Variants in GLI3 observed in about 807,000 individuals in gnomAD.
GLI3 encodes the protein transcription activator GLI3.
In GLI3, 20 loss-of-function variants were observed where a neutral mutation model predicts 100.8. The observed-to-expected ratio is 0.20, with a 90% CI of 0.14 to 0.29. The LOEUF is 0.29. Among genes scored for constraint, GLI3 ranks in the 10% least tolerant of loss-of-function variants. GLI3 has a pLI of 1.00. For missense variants in GLI3, 2,040 were observed against 2,128.5 expected (o/e 0.96, Z 0.82); for synonymous variants, 938 against 860.5 (o/e 1.09, Z -1.58).
chr7:42,082,420 C>T (rs971962279), intron 3 of GLI3, among the ~76,000 whole-genome samples: 1 of 152,076 alleles, frequency 6.6e-6, no homozygotes, highest in Non-Finnish European at 1.5e-5. Flanking sequence ...TGAGCTGATC[C>T]GCCCTCTGAG....
At chr7:42,172,583 A>G (rs1277949805) in intron 2 of GLI3, 1 of 702,900 alleles carries the variant, frequency 1.4e-6, no homozygotes. Flanking sequence ...TAGCCCATCC[A>G]AGAGGATCTG....
chr7:42,194,607 GTC>G (rs999520930), intron 2 of GLI3, among the ~76,000 whole-genome samples: 5 of 152,110 alleles, frequency 3.3e-5, no homozygotes, highest in Non-Finnish European at 7.4e-5. Flanking sequence ...ACTCCCGTCT[GTC>G]TTAGCGAACG....
At chr7:42,219,536 G>A (rs1383406758) in intron 2 of GLI3, among the ~76,000 whole-genome samples, 6 of 151,866 alleles carry the variant, frequency 4.0e-5, no homozygotes, top group Admixed American at 3.9e-4. Flanking sequence ...TTTCTGAACT[G>A]TACCTTTTGG....
Position 41,966,646 on chromosome 7 carries a change from A to T in GLI3, c.2432-5T>A. On this transcript the variant is annotated splice_region_variant and splice_polypyrimidine_tract_variant and intron_variant, in intron 14 of 14. Transcript: ENST00000395925. This position sits in a 1 kb window ranked among gnomAD's most constrained non-coding sequence, Gnocchi z 5.8. ...AGGTGTTGTTGGACTGTGTGCCTGG[A>T]GACAGAGAAAGGGAGAGACCATGCG... is the stretch of plus-strand genomic sequence containing the variant. The T allele has an allele frequency of 6.2e-7, 1 of 1,613,972 alleles. No homozygotes were observed. The highest frequency in any genetic ancestry group is 8.5e-7 in the Non-Finnish European group (1 of 1,179,958).
intron 4 of GLI3, among the ~76,000 whole-genome samples, chr7:42,051,582 C>A (rs1490468100): frequency 6.6e-6 from 1 of 152,100 alleles, no homozygotes; most frequent in African/African-American, 2.4e-5. Context: ...CAGATATATG[C>A]ACACATATAA....
At chr7:42,072,263 A>C (rs1036638114) in intron 4 of GLI3, among the ~76,000 whole-genome samples, 1 of 152,232 alleles carries the variant, frequency 6.6e-6, no homozygotes, top group Non-Finnish European at 1.5e-5. Flanking sequence ...TGAAACAGAA[A>C]GACAGTTCGA....
chr7:42,084,432 T>A (rs1173858791), intron 3 of GLI3, among the ~76,000 whole-genome samples: 1 of 152,222 alleles, frequency 6.6e-6, no homozygotes. Context: ...GTTTCTCCCT[T>A]CAAGATCACA....
intron 10 of GLI3, among the ~76,000 whole-genome samples, chr7:41,993,392 GC>G (rs1182778254): frequency 1.3e-5 from 2 of 152,028 alleles, no homozygotes; most frequent in African/African-American, 4.8e-5. Flanking sequence ...GAGACTCATC[GC>G]CCCGCTCGAT....
intron 3 of GLI3, among the ~76,000 whole-genome samples, chr7:42,131,473 T>A (rs1786274698): frequency 6.6e-6 from 1 of 152,212 alleles, no homozygotes; most frequent in Admixed American, 6.5e-5. Context: ...TTTAAGAATT[T>A]AGAAACTGGA....
rs748644965 is a variant in GLI3, at chr7:41,966,157, T to C, written c.2916A>G (p.Pro972=). The part of the protein sequence containing the change: ...DALEPGVALP[P]VHAPRRCSDG... ...CGCTGCACCTCCTCGGGGCATGAAC[T>C]GGAGGCAGGGCCACGCCAGGCTCGA... Residue 972 remains proline, a synonymous_variant, in exon 15 of 15, where the codon CCA becomes CCG. Transcript: ENST00000395925. The surrounding 1 kb of genome is among the most constrained non-coding windows in gnomAD (Gnocchi z 5.8). 1.3e-6 allele frequency: 2 copies of C among 1,599,188 alleles called. No homozygotes were observed. The highest frequency in any genetic ancestry group is 1.3e-5 in the African/African-American group (1 of 74,838).
At chr7:42,083,857 C>A (rs1369819791) in intron 3 of GLI3, among the ~76,000 whole-genome samples, 1 of 152,080 alleles carries the variant, frequency 6.6e-6, no homozygotes, top group Non-Finnish European at 1.5e-5. Flanking sequence ...AACAAGTAGA[C>A]AAATTTCAAG....
intron 2 of GLI3, among the ~76,000 whole-genome samples, chr7:42,170,710 T>G (rs1164345121): frequency 6.6e-6 from 1 of 152,142 alleles, no homozygotes; most frequent in Non-Finnish European, 1.5e-5. Flanking sequence ...CCTTGCTGAC[T>G]TTTTAAGAAA....
At chr7:42,199,479 A>G (rs77823039) in intron 2 of GLI3, among the ~76,000 whole-genome samples, 4,230 of 152,326 alleles carry the variant, frequency 0.028, 88 homozygotes, top group South Asian at 0.056. Context: ...CTCACCAAGC[A>G]GGTTACAGTC....
chr7:42,179,861 G>A (rs1301601284), intron 2 of GLI3, among the ~76,000 whole-genome samples: 21 of 152,162 alleles, frequency 1.4e-4, no homozygotes, highest in Non-Finnish European at 5.9e-5. Flanking sequence ...AGTGGGTGGA[G>A]AGTAGCTCAT....
chr7:42,135,436 C>T (rs1489009401), intron 3 of GLI3, among the ~76,000 whole-genome samples: 3 of 152,178 alleles, frequency 2.0e-5, no homozygotes, highest in African/African-American at 7.2e-5. Flanking sequence ...CCAGATATAT[C>T]TCAGGTCAAA....
chr7:42,228,300 G>A (rs748214244), intron 1 of GLI3, among the ~76,000 whole-genome samples: 1 of 152,042 alleles, frequency 6.6e-6, no homozygotes, highest in Admixed American at 6.6e-5. Context: ...TCCCAGGCCC[G>A]GCTTTGATCC....
At chr7:42,242,793 A>G (rs1788938851), upstream of GLI3, among the ~76,000 whole-genome samples, 1 of 152,174 alleles carries the variant, frequency 6.6e-6, no homozygotes, top group Non-Finnish European at 1.5e-5. Context: ...GAAGCTTGTG[A>G]ATTTATTTTT....
intron 2 of GLI3, among the ~76,000 whole-genome samples, chr7:42,151,050 GA>G (rs1786847635): frequency 6.6e-6 from 1 of 152,116 alleles, no homozygotes; most frequent in Non-Finnish European, 1.5e-5. Flanking sequence ...TTTTAATATG[GA>G]AAAAATTAAA....
chr7:42,177,204 G>A (rs891471979), intron 2 of GLI3, among the ~76,000 whole-genome samples: 6 of 152,148 alleles, frequency 3.9e-5, no homozygotes, highest in Admixed American at 1.3e-4. Flanking sequence ...CAGAGGTGGA[G>A]AGGAGTGTCA....
Sources: gnomAD v4.1 joint callset for allele counts (sites outside exome capture counted in the v4.1 genomes callset) on GRCh38, gnomAD v4.1.1 for gene constraint, Gnocchi (gnomAD v3.1) non-coding constraint, MANE v1.5 for transcripts, NCBI Gene and HGNC (gene_info 2026-07-23, HGNC 2026-07-21) for gene names.